The following FRMPD4 variants were observed in gnomAD, a reference collection of about 807,000 sequenced individuals.
FRMPD4 encodes FERM and PDZ domain containing 4, also known as FERM and PDZ domain-containing protein 4.
In FRMPD4, 22 loss-of-function variants were observed where a neutral mutation model predicts 94.1. The observed-to-expected ratio is 0.23, with a 90% confidence interval of 0.17 to 0.33. The LOEUF (loss-of-function observed/expected upper bound fraction) is 0.33. Among genes scored for constraint, FRMPD4 ranks in the 10% least tolerant of loss-of-function variants. The probability of loss-of-function intolerance (pLI) is 1.00; values close to 1 mark genes in which losing one functional copy is unlikely to be tolerated. For missense variants in FRMPD4, 1,111 were observed against 1,339.9 expected (o/e 0.83, Z 2.67); for synonymous variants, 631 against 548.6 (o/e 1.15, Z -2.10).
intron 1 of FRMPD4, among the ~76,000 whole-genome samples, chrX:11,843,119 T>C (rs1000920881): frequency 8.9e-6 from 1 of 112,214 alleles, no homozygotes; most frequent in Non-Finnish European, 1.9e-5. Context: ...TTCCAACATG[T>C]TATATATACT....
chrX:12,405,184 G>T (rs1382809220), intron 1 of FRMPD4, among the ~76,000 whole-genome samples: 1 of 111,328 alleles, frequency 9.0e-6, no homozygotes, highest in Non-Finnish European at 1.9e-5. Context: ...GGAGTTATCT[G>T]CTCTGGAGGC....
At chrX:12,486,696 A>G (rs1171110843) in intron 1 of FRMPD4, among the ~76,000 whole-genome samples, 4 of 112,667 alleles carry the variant, frequency 3.6e-5, no homozygotes, top group Non-Finnish European at 7.5e-5. Context: ...TAGTGTTTTC[A>G]ACTCATTTCC....
chrX:12,516,123 G>A (rs2058093192), intron 2 of FRMPD4, among the ~76,000 whole-genome samples: 1 of 111,675 alleles, frequency 9.0e-6, no homozygotes, highest in Non-Finnish European at 1.9e-5. Context: ...CTTGAATATT[G>A]CAAGCTGATG....
intron 1 of FRMPD4, among the ~76,000 whole-genome samples, chrX:11,862,719 T>G (rs2053694290): frequency 9.0e-6 from 1 of 111,198 alleles, no homozygotes; most frequent in South Asian, 3.8e-4. Flanking sequence ...TGCTGAACCT[T>G]CCTTAGACAT....
chrX:12,310,561 A>G (rs1223409454), intron 1 of FRMPD4, among the ~76,000 whole-genome samples: 1 of 112,251 alleles, frequency 8.9e-6, no homozygotes, highest in African/African-American at 3.2e-5. Context: ...GTCATAAATC[A>G]GTAGTTTTTC....
chrX:12,352,567 A>G lies in FRMPD4; in HGVS notation c.42-146113A>G, dbSNP rs772180644. Among the ~76,000 whole-genome samples, 4 of 112,613 alleles carry G rather than the reference A, an allele frequency of 3.6e-5. No individual in the cohort carries two copies. In the East Asian group the frequency reaches 1.1e-3, roughly 31 times the overall value. On this transcript the variant is annotated intron_variant, in intron 1 of 16. Transcript: ENST00000675598. ...CTATTGATAGGAATGATTCACTTTT[A>G]GTTAATGTATCTTTTTCATTGTAGC...
chrX:12,462,098 A>C lies in FRMPD4; in HGVS notation c.42-36582A>C, dbSNP rs185641637. ...GTCTGCTTAAAAAATTTTCCTAGGA[A>C]GTATTCTGTCACTTGCACTCATGTT... On this transcript the variant is annotated intron_variant, in intron 1 of 16. Transcript: ENST00000675598. Among the ~76,000 whole-genome samples the C allele has an allele frequency of 2.8e-4, 31 of 112,042 alleles. No individual in the cohort carries two copies. In the East Asian group the frequency reaches 5.3e-3, roughly 19 times the overall value.
intron 3 of FRMPD4, among the ~76,000 whole-genome samples, chrX:11,919,043 A>C (rs928499537): frequency 1.8e-5 from 2 of 112,290 alleles, no homozygotes; most frequent in East Asian, 5.6e-4. Flanking sequence ...AAGTCATTTT[A>C]ATTGAAGACT....
chrX:12,431,290 G>C (rs1449564487), intron 1 of FRMPD4, among the ~76,000 whole-genome samples: 3 of 112,050 alleles, frequency 2.7e-5, no homozygotes, highest in African/African-American at 9.7e-5. Flanking sequence ...AGTGTCAAAG[G>C]GTATGAGCAT....
chrX:12,694,655 G>A (rs1192694892), intron 9 of FRMPD4, among the ~76,000 whole-genome samples: 1 of 112,091 alleles, frequency 8.9e-6, no homozygotes, highest in African/African-American at 3.2e-5. Context: ...AAAGTTGCAA[G>A]AGTAGTCATC....
At chrX:12,020,187 A>G (rs1170671279) in intron 3 of FRMPD4, among the ~76,000 whole-genome samples, 1 of 112,034 alleles carries the variant, frequency 8.9e-6, no homozygotes, top group Non-Finnish European at 1.9e-5. Flanking sequence ...TAACTCTTTA[A>G]TTTAAAAAGT....
At chrX:11,948,670 GC>G (rs1372329536) in intron 3 of FRMPD4, among the ~76,000 whole-genome samples, 2 of 111,016 alleles carry the variant, frequency 1.8e-5, no homozygotes, top group Non-Finnish European at 3.8e-5. Flanking sequence ...CTGCCTTACT[GC>G]CATCACATAT....
chrX:12,560,306 C>T (rs368485395), intron 2 of FRMPD4, among the ~76,000 whole-genome samples: 16 of 109,314 alleles, frequency 1.5e-4, no homozygotes, highest in African/African-American at 5.3e-4. Context: ...AATGAACAGC[C>T]AGGATTGATG....
At chrX:12,267,568 A>G (rs1270421646) in intron 1 of FRMPD4, among the ~76,000 whole-genome samples, 1 of 112,742 alleles carries the variant, frequency 8.9e-6, no homozygotes, top group East Asian at 2.8e-4. Context: ...TTGTTGGTTT[A>G]TACATATTCG....
At chrX:11,946,813 T>A (rs937263618) in intron 3 of FRMPD4, among the ~76,000 whole-genome samples, 1 of 111,503 alleles carries the variant, frequency 9.0e-6, no homozygotes, top group Non-Finnish European at 1.9e-5. Flanking sequence ...CCTCCTGCCC[T>A]CAGCCATCAG....
intron 1 of FRMPD4, among the ~76,000 whole-genome samples, chrX:12,267,843 A>G (rs1168227381): frequency 8.9e-6 from 1 of 112,855 alleles, no homozygotes; most frequent in Non-Finnish European, 1.9e-5. Flanking sequence ...TCCCTTCTAT[A>G]GGTTGAGTCC....
chrX:11,907,338 A>G (rs1030685026), intron 3 of FRMPD4, among the ~76,000 whole-genome samples: 2 of 111,222 alleles, frequency 1.8e-5, no homozygotes, highest in African/African-American at 6.5e-5. Flanking sequence ...TCTTCCTCTC[A>G]TTATTTTTTG....
At chrX:12,435,756 T>C (rs1430919906) in intron 1 of FRMPD4, among the ~76,000 whole-genome samples, 1 of 111,822 alleles carries the variant, frequency 8.9e-6, no homozygotes, top group Non-Finnish European at 1.9e-5. Context: ...AAAATAGTTA[T>C]TGTAAGATAG....
rs181999089 is a variant in FRMPD4 at position 11,912,937 on chromosome X, A to C, written c.95+34919A>C. On this transcript the variant is annotated intron_variant, in intron 3 of 18. Coordinates refer to the FRMPD4 transcript ENST00000640291. ...CTTCATTTTACTTTACTTAATTCTG[A>C]GGTCATTACCATTACTTCATTTTAG... is the stretch of plus-strand genomic sequence containing the variant. Among the ~76,000 whole-genome samples the C allele has an allele frequency of 3.6e-5, 4 of 111,712 alleles. No individual in the cohort carries two copies. The Admixed American group carries it at 3.8e-4, about 11-fold the overall frequency.
Sources: gnomAD v4.1 joint callset for allele counts (sites outside exome capture counted in the v4.1 genomes callset) on GRCh38, gnomAD v4.1.1 for gene constraint, MANE v1.5 for transcripts, NCBI Gene and HGNC (gene_info 2026-07-23, HGNC 2026-07-21) for gene names.